Variants in FBXL7 observed in about 807,000 individuals in gnomAD.
FBXL7 encodes F-box/LRR-repeat protein 7.
FBXL7 carries 12 observed loss-of-function variants against 38.3 expected under a neutral mutation model. The observed-to-expected ratio is 0.31, with a 90% CI of 0.20 to 0.51. The LOEUF is 0.51. FBXL7 is among the 20% of genes least tolerant of loss of function. The pLI is 0.98. For missense variants in FBXL7, 567 were observed against 676.4 expected, an observed-to-expected ratio of 0.84 and a Z score of 1.79; for synonymous variants, 297 against 300.9, an observed-to-expected ratio of 0.99 and a Z score of 0.13.
chr5:15,703,120 T>A (rs1307744756), intron 2 of FBXL7, among the ~76,000 whole-genome samples: 1 of 152,224 alleles, frequency 6.6e-6, no homozygotes, highest in African/African-American at 2.4e-5. Flanking sequence ...ACAGGGGATA[T>A]GATGGCTTAG....
rs554098728 is a variant in FBXL7 at position 15,839,387 on chromosome 5, G to C, written c.128-88503G>C. ...TTTGTTCTTTGTATTTAGGTCTTTAGTCTATTTAGAGTTTATTCATTGTAC... is the reference window on the plus strand; with the variant it reads ...TTTGTTCTTTGTATTTAGGTCTTTACTCTATTTAGAGTTTATTCATTGTAC... On this transcript the variant is annotated intron_variant, in intron 2 of 3. Transcript: ENST00000504595. Among the ~76,000 whole-genome samples, 13 of 151,970 alleles carry C rather than the reference G, an allele frequency of 8.6e-5. No homozygotes were observed. In the South Asian group the frequency reaches 2.7e-3, roughly 32 times the overall value.
chr5:15,620,406 G>GTTT (rs368712808), intron 2 of FBXL7, among the ~76,000 whole-genome samples: 28 of 116,642 alleles, frequency 2.4e-4, no homozygotes, highest in African/African-American at 7.9e-4. Context: ...CTAATTTTTT[G>GTTT]TTTTTTGTTT....
chr5:15,552,109 A>G (rs1317231681), intron 1 of FBXL7, among the ~76,000 whole-genome samples: 4 of 152,242 alleles, frequency 2.6e-5, no homozygotes, highest in Non-Finnish European at 5.9e-5. Flanking sequence ...GCCATTAATA[A>G]CAGTAATCAC....
At chr5:15,635,355 C>A (rs981326768) in intron 2 of FBXL7, among the ~76,000 whole-genome samples, 1 of 152,122 alleles carries the variant, frequency 6.6e-6, no homozygotes, top group Non-Finnish European at 1.5e-5. Flanking sequence ...TATGGTTGCT[C>A]AGGGCTCCAG....
intron 2 of FBXL7, among the ~76,000 whole-genome samples, chr5:15,832,444 A>C (rs558102508): frequency 2.6e-5 from 4 of 152,330 alleles, no homozygotes; most frequent in Admixed American, 1.3e-4. Flanking sequence ...GTGAAGTTAT[A>C]TATTCAAAGG....
At chr5:15,860,066 G>T (rs984631246) in intron 2 of FBXL7, among the ~76,000 whole-genome samples, 2 of 152,110 alleles carry the variant, frequency 1.3e-5, no homozygotes, top group African/African-American at 4.8e-5. Context: ...ACATCATAGA[G>T]ATTTTAGATC....
At chr5:15,747,249 T>C (rs921005021) in intron 2 of FBXL7, among the ~76,000 whole-genome samples, 2 of 152,204 alleles carry the variant, frequency 1.3e-5, no homozygotes, top group African/African-American at 4.8e-5. Context: ...CCAGAGTGAA[T>C]GGAAAGATGT....
chr5:15,932,591 T>A (rs1742065195), intron 3 of FBXL7, among the ~76,000 whole-genome samples: 1 of 152,200 alleles, frequency 6.6e-6, no homozygotes, highest in African/African-American at 2.4e-5. Flanking sequence ...ATTCTTGCCT[T>A]GGTTTTGACT....
intron 1 of FBXL7, among the ~76,000 whole-genome samples, chr5:15,593,217 T>C (rs1217787285): frequency 1.3e-5 from 2 of 152,220 alleles, no homozygotes; most frequent in East Asian, 3.9e-4. Flanking sequence ...GCTAGTTGCC[T>C]CTCCTTTAGA....
At chr5:15,872,267 A>G (rs1739999729) in intron 2 of FBXL7, among the ~76,000 whole-genome samples, 1 of 152,142 alleles carries the variant, frequency 6.6e-6, no homozygotes. Context: ...GCCTTACAAG[A>G]GCAGGAAGCA....
intron 2 of FBXL7, among the ~76,000 whole-genome samples, chr5:15,906,391 A>C (rs1189690244): frequency 6.6e-6 from 1 of 150,856 alleles, no homozygotes; most frequent in Non-Finnish European, 1.5e-5. Flanking sequence ...AGTTTATGAT[A>C]GGTCCCCATT....
chr5:15,785,629 C>T (rs1414556002), intron 2 of FBXL7, among the ~76,000 whole-genome samples: 1 of 152,168 alleles, frequency 6.6e-6, no homozygotes, highest in Admixed American at 6.5e-5. Flanking sequence ...CTTGAATTCT[C>T]TTAATATTAA....
chr5:15,604,869 C>T (rs4510586), intron 1 of FBXL7, among the ~76,000 whole-genome samples: 129,244 of 152,066 alleles, frequency 0.85, 55,317 homozygotes, highest in Admixed American at 0.88. Flanking sequence ...TGATGAGTCC[C>T]CATTTAGGCA....
chr5:15,664,647 T>G (rs1387798108), intron 2 of FBXL7, among the ~76,000 whole-genome samples: 1 of 151,790 alleles, frequency 6.6e-6, no homozygotes, highest in Non-Finnish European at 1.5e-5. Flanking sequence ...AATTTTTGTA[T>G]TTTTAGTGGA....
intron 2 of FBXL7, among the ~76,000 whole-genome samples, chr5:15,845,566 TTAAG>T (rs1738871804): frequency 6.6e-6 from 1 of 152,068 alleles, no homozygotes; most frequent in Non-Finnish European, 1.5e-5. Flanking sequence ...ATTCAAATAA[TTAAG>T]ATACAGCAAA....
intron 1 of FBXL7, among the ~76,000 whole-genome samples, chr5:15,511,245 G>A (rs1218747807): frequency 1.3e-5 from 2 of 152,192 alleles, no homozygotes; most frequent in African/African-American, 2.4e-5. Context: ...CTGACAAATT[G>A]GCAGGTTATC....
At chr5:15,789,150 A>G (rs1737209194) in intron 2 of FBXL7, among the ~76,000 whole-genome samples, 1 of 152,088 alleles carries the variant, frequency 6.6e-6, no homozygotes. Flanking sequence ...ATGCCCAGCC[A>G]ATGGCACCTC....
intron 2 of FBXL7, among the ~76,000 whole-genome samples, chr5:15,710,759 A>G (rs978565904): frequency 5.3e-5 from 8 of 152,162 alleles, no homozygotes; most frequent in African/African-American, 1.9e-4. Context: ...ACAAAGTACC[A>G]CAAACTGGGT....
rs371568458 is a variant in FBXL7 at position 15,937,027 on chromosome 5, G to C, written c.1317G>C (p.Glu439Asp). ...AGCGGCTCAGCCTCAAGTCCTGCGA[G>C]AGCATCACCGGCCAGGGCTTGCAGA... ...NLKRLSLKSC[E>D]SITGQGLQIV... The change falls in exon 4 of 4, where the codon GAG (glutamate) becomes GAC (aspartate). Residue 439 changes from glutamate (E) to aspartate (D), a missense_variant. Glu to Asp is a conservative substitution (Grantham distance 45). Coordinates refer to ENST00000504595, the MANE Select transcript of FBXL7 (RefSeq NM_012304.5). 3.7e-6 allele frequency: 6 copies of C among 1,613,914 alleles called. No individual in the cohort carries two copies. Among genetic ancestry groups the C allele is most frequent in the African/African-American group, 2.7e-5 (2 of 74,936 alleles).
Sources: gnomAD v4.1 joint callset for allele counts (sites outside exome capture counted in the v4.1 genomes callset) on GRCh38, gnomAD v4.1.1 for gene constraint, MANE v1.5 for transcripts, NCBI Gene and HGNC (gene_info 2026-07-23, HGNC 2026-07-21) for gene names.